BCL2L15: variants seen among roughly 807,000 people sequenced by gnomAD.
BCL2L15 encodes BCL2 like 15.
BCL2L15 carries 15 observed loss-of-function variants against 18.3 expected under a neutral mutation model. The ratio of observed to expected loss-of-function variants is 0.82; its 90% CI spans 0.55 to 1.26. The LOEUF (loss-of-function observed/expected upper bound fraction) is 1.26, where lower values mean the gene tolerates loss of function less well. Among genes scored for constraint, BCL2L15 ranks in the 50% most tolerant of loss-of-function variants. The pLI, the probability that BCL2L15 is intolerant of heterozygous loss-of-function variation, is 0.00. For synonymous variants in BCL2L15, 58 were observed against 68.5 expected (o/e 0.85, Z 0.76); for missense variants, 180 against 201.7 (o/e 0.89, Z 0.65).
rs1018138660 is a variant in BCL2L15, at chr1:113,881,922, C to G, written c.325G>C (p.Glu109Gln). The G allele has an allele frequency of 6.2e-7, 1 of 1,614,188 alleles. No homozygotes were observed. The highest frequency in any genetic ancestry group is 1.6e-4 in the Middle Eastern group (1 of 6,062). Reference protein sequence around the residue: ...WCAQDSSLAYERAFLAVSVKL... With the variant: ...WCAQDSSLAYQRAFLAVSVKL... The stretch of plus-strand genomic sequence containing the variant: ...ACTGACACTGCCAGAAAAGCTCTCT[C>G]ATAAGCTAAGCTGGAATCCTGAGCA... The change falls in exon 3 of 4, where the codon GAG becomes CAG. Residue 109 changes from glutamate (E) to glutamine (Q), a missense_variant. Transcript: ENST00000393316.
At chr1:113,881,741 C>T in intron 3 of BCL2L15, 32 bp downstream of exon 3, 2 of 1,604,664 alleles carry the variant, frequency 1.2e-6, no homozygotes, top group Non-Finnish European at 1.7e-6. Flanking sequence ...AGTGCAAATA[C>T]CTAGCAAAAC....
intron 3 of BCL2L15, 172 bp from the exon 4 acceptor site, chr1:113,881,312 T>TA: frequency 8.9e-7 from 1 of 1,117,794 alleles, no homozygotes. Flanking sequence ...TGATGATTAC[T>TA]AAAACATGGG....
At position 113,877,322 on chromosome 1, in the gene BCL2L15, G is replaced by GT. The variant is rs149908888; in HGVS notation, c.*3800dup. ...GATGAACAGTAGGGAGCAGCTGAAG[G>GT]TTTTTTTTTTTTTTTTAAAAAAAAC... On this transcript the variant is annotated 3_prime_UTR_variant, in exon 4 of 4. Coordinates refer to ENST00000393316, the MANE Select transcript of BCL2L15 (RefSeq NM_001010922.3). 4.4e-3 allele frequency among the ~76,000 whole-genome samples: 624 copies of GT among 142,886 alleles called. 1 individual carries two copies. Among genetic ancestry groups the GT allele is most frequent in the Non-Finnish European group, 5.8e-3 (377 of 65,220 alleles). 93.7% of individuals were successfully genotyped at this position (142,886 alleles called of 152,430 possible). A position where few individuals can be genotyped will look rare whatever the true frequency, so the allele number is the denominator to read the frequency against.
rs1260424718 is a variant in BCL2L15, at chr1:113,878,374, TCCTGCAGCCCAATC to T, written c.*2735_*2748del. 2 of 152,380 alleles carry T rather than the reference TCCTGCAGCCCAATC, an allele frequency of 1.3e-5. No individual in the cohort carries two copies. The highest frequency in any genetic ancestry group is 4.8e-5 in the African/African-American group (2 of 41,454). 9.4% of individuals were successfully genotyped at this position (152,380 alleles called of 1,614,324 possible). ...TAATTCCTGGGTTACAATGTCTTCT[TCCTGCAGCCCAATC>T]ACTTAAGCTCTCCTAAGATAGAGTC... On this transcript the variant is annotated 3_prime_UTR_variant, in exon 4 of 4. Transcript: ENST00000393316.
Position 113,878,281 on chromosome 1 carries a change from G to A in BCL2L15, c.*2842C>T, listed in dbSNP as rs997801073. The A allele has an allele frequency of 6.6e-6, 1 of 152,144 alleles. No homozygotes were observed. The highest frequency in any genetic ancestry group is 1.5e-5 in the Non-Finnish European group (1 of 68,026). 9.4% of individuals were successfully genotyped at this position (152,144 alleles called of 1,614,324 possible). On this transcript the variant is annotated 3_prime_UTR_variant, in exon 4 of 4. Coordinates refer to ENST00000393316, the MANE Select transcript of BCL2L15 (RefSeq NM_001010922.3). ...AAGGTACAGAAGAATTATGTCTCTT[G>A]CCCAATGTCACATAATTAGCCTATG...
Position 113,881,075 on chromosome 1 carries a change from T to C in BCL2L15, c.*48A>G. On this transcript the variant is annotated 3_prime_UTR_variant, in exon 4 of 4. Coordinates refer to ENST00000393316, the MANE Select transcript of BCL2L15 (RefSeq NM_001010922.3). Reference sequence around the variant, plus strand: ...GAATTCCCAGGAATCAATCACCCAATCAGTCAACAAGGAAGTGATGTTCAG... The same window carrying C: ...GAATTCCCAGGAATCAATCACCCAACCAGTCAACAAGGAAGTGATGTTCAG... The C allele has an allele frequency of 6.2e-7, 1 of 1,613,608 alleles. No homozygotes were observed. The highest frequency in any genetic ancestry group is 8.5e-7 in the Non-Finnish European group (1 of 1,179,558).
rs576622655 is a variant in BCL2L15 at position 113,877,927 on chromosome 1, A to G, written c.*3196T>C. On this transcript the variant is annotated 3_prime_UTR_variant, in exon 4 of 4. Coordinates refer to ENST00000393316, the MANE Select transcript of BCL2L15 (RefSeq NM_001010922.3). ...TCGCAAACAGGGAGAGTATGGGGAT[A>G]AGAAAGGTACACATAAATAAATAAT... 8.1e-4 allele frequency among the ~76,000 whole-genome samples: 124 copies of G among 152,330 alleles called. No homozygotes were observed. Among genetic ancestry groups the G allele is most frequent in the African/African-American group, 2.8e-3 (117 of 41,578 alleles).
chr1:113,876,878 ATGAAGAGGAGGGG>A lies in BCL2L15; in HGVS notation c.*4232_*4244del, dbSNP rs1281231323. ...TTAATATCGATGTACATGCCAGATA[ATGAAGAGGAGGGG>A]TGTTACAGAAGTATACAACAAATTG... On this transcript the variant is annotated 3_prime_UTR_variant, in exon 4 of 4. Coordinates refer to ENST00000393316, the MANE Select transcript of BCL2L15 (RefSeq NM_001010922.3). 6.6e-6 allele frequency among the ~76,000 whole-genome samples: 1 copy of A among 152,200 alleles called. No individual in the cohort carries two copies. Among genetic ancestry groups the A allele is most frequent in the Non-Finnish European group, 1.5e-5 (1 of 68,032 alleles).
In BCL2L15 at chr1:113,886,560, T is replaced by C. The variant is rs1474317976; in HGVS notation, c.226A>G (p.Ile76Val). The change falls in exon 2 of 4, where the codon ATT becomes GTT. Residue 76 changes from isoleucine (I) to valine (V), a missense_variant. By Grantham distance (29) the Ile-to-Val change is conservative (BLOSUM62 3). Transcript: ENST00000393316. ...ACCTGTCCCTTAATGGTTTCTGCAA[T>C]GACGTTTTTGGCAGAAGCTTCCAAT... ...GELEASAKNV[I>V]AETIKGQTGA... The C allele has an allele frequency of 6.2e-7, 1 of 1,613,564 alleles. No homozygotes were observed. Among genetic ancestry groups the C allele is most frequent in the East Asian group, 2.2e-5 (1 of 44,884 alleles).
At position 113,881,019 on chromosome 1, in the gene BCL2L15, A is replaced by G; in HGVS notation, c.*104T>C. The G allele has an allele frequency of 2.6e-5, 40 of 1,537,612 alleles. No homozygotes were observed. Among genetic ancestry groups the G allele is most frequent in the Non-Finnish European group, 3.6e-5 (40 of 1,114,384 alleles). Reference sequence around the variant, plus strand: ...TTCAGCTAAGTTCAGTTCTGATAAAATGAAAAAAGTGCTTTTTTATTTGTT... The same window carrying G: ...TTCAGCTAAGTTCAGTTCTGATAAAGTGAAAAAAGTGCTTTTTTATTTGTT... On this transcript the variant is annotated 3_prime_UTR_variant, in exon 4 of 4. Transcript: ENST00000393316.
chr1:113,881,768 C>T lies in BCL2L15; in HGVS notation c.474+5G>A, dbSNP rs775990749. 1.2e-6 allele frequency: 2 copies of T among 1,612,528 alleles called. No individual in the cohort carries two copies. Among genetic ancestry groups the T allele is most frequent in the Non-Finnish European group, 1.7e-6 (2 of 1,178,800 alleles). On this transcript the variant is annotated splice_donor_5th_base_variant and intron_variant, in intron 3 of 3. Coordinates refer to ENST00000393316, the MANE Select transcript of BCL2L15 (RefSeq NM_001010922.3). ...TAGCAAAACCAGGAGCCCCAACAAA[C>T]TTACCCAACCTCCCTGGCCCTGGAT...
intron 3 of BCL2L15, 117 bp from the exon 4 acceptor site, chr1:113,881,257 C>A: frequency 6.8e-7 from 1 of 1,466,758 alleles, no homozygotes; most frequent in Non-Finnish European, 9.5e-7. Context: ...AAGGCTTTCA[C>A]TGACCCTGTA....
At chr1:113,886,915 T>C (rs1164742319) in intron 1 of BCL2L15, among the ~76,000 whole-genome samples, 1 of 151,960 alleles carries the variant, frequency 6.6e-6, no homozygotes, top group African/African-American at 2.4e-5. Context: ...TGTTTTTTTT[T>C]TTTTGAGACC....
chr1:113,885,034 C>T (rs1666984894), intron 2 of BCL2L15, among the ~76,000 whole-genome samples: 1 of 151,888 alleles, frequency 6.6e-6, no homozygotes, highest in African/African-American at 2.4e-5. Flanking sequence ...TCACTGCAAC[C>T]TCCTTCTGCC....
At position 113,880,451 on chromosome 1, in the gene BCL2L15, C is replaced by T. The variant is rs915813521; in HGVS notation, c.*672G>A. The T allele has an allele frequency of 2.0e-5, 3 of 152,242 alleles. No individual in the cohort carries two copies. The highest frequency in any genetic ancestry group is 1.9e-4 in the East Asian group (1 of 5,184). The allele number at this position is 152,242 out of a possible 1,614,324, so 9.4% of individuals were successfully genotyped here. ...ACCATCCTGGCTAACACGGCGAAAC[C>T]TCATCTCTACTAAAAATACAAAAAA... is the stretch of plus-strand genomic sequence containing the variant. On this transcript the variant is annotated 3_prime_UTR_variant, in exon 4 of 4. Coordinates refer to ENST00000393316, the MANE Select transcript of BCL2L15 (RefSeq NM_001010922.3).
rs748004126 is a variant in BCL2L15 at position 113,881,830 on chromosome 1, C to G, written c.417G>C (p.Thr139=). ...EVVGQVAIPM[T]GMINGNQAIR... Reference sequence around the variant, plus strand: ...TGGCTTGGTTCCCATTGATCATACCCGTCATGGGGATAGCCACCTGTCCCA... The same window carrying G: ...TGGCTTGGTTCCCATTGATCATACCGGTCATGGGGATAGCCACCTGTCCCA... The change falls in exon 3 of 4, where the codon ACG becomes ACC. Residue 139 remains threonine (T), a synonymous_variant. Transcript: ENST00000393316. 4 of 1,614,170 alleles carry G rather than the reference C, an allele frequency of 2.5e-6. No individual in the cohort carries two copies. Among genetic ancestry groups the G allele is most frequent in the East Asian group, 2.2e-5 (1 of 44,890 alleles).
chr1:113,878,526 T>G lies in BCL2L15; in HGVS notation c.*2597A>C, dbSNP rs914088432. On this transcript the variant is annotated 3_prime_UTR_variant, in exon 4 of 4. Transcript: ENST00000393316. ...ATAATGCAGTATACTTGGAACTGTT[T>G]TATGAGCAACATAGGATAAAACTGG... is the stretch of plus-strand genomic sequence containing the variant. The G allele has an allele frequency of 6.6e-6, 1 of 152,402 alleles. No individual in the cohort carries two copies. The highest frequency in any genetic ancestry group is 1.5e-5 in the Non-Finnish European group (1 of 68,042). 9.4% of individuals were successfully genotyped at this position (152,402 alleles called of 1,614,324 possible). A position where few individuals can be genotyped will look rare whatever the true frequency, so the allele number is the denominator to read the frequency against.
At chr1:113,885,909 CAA>C (rs879731513) in intron 2 of BCL2L15, among the ~76,000 whole-genome samples, 3 of 133,122 alleles carry the variant, frequency 2.3e-5, no homozygotes, top group African/African-American at 2.8e-5. Context: ...GACTCCATCT[CAA>C]AAAAAAAAAG....
At chr1:113,882,111 T>C (rs913984876) in intron 2 of BCL2L15, 114 bp from the exon 3 acceptor site, 1 of 713,610 alleles carries the variant, frequency 1.4e-6, no homozygotes, top group Admixed American at 2.8e-5. Flanking sequence ...GTGCAACTGG[T>C]GGTAACTAAG....
Sources: gnomAD v4.1 joint callset for allele counts (sites outside exome capture counted in the v4.1 genomes callset) on GRCh38, gnomAD v4.1.1 for gene constraint, MANE v1.5 for transcripts, NCBI Gene and HGNC (gene_info 2026-07-23, HGNC 2026-07-21) for gene names.